EPHA7: variants seen among roughly 807,000 people sequenced by gnomAD.
The protein encoded by EPHA7 is EPH receptor A7, also known as ephrin type-A receptor 7.
A neutral mutation model predicts 112.6 loss-of-function variants in EPHA7; 25 were observed. That is an observed-to-expected ratio of 0.22 (90% confidence interval 0.16 to 0.31). The LOEUF is 0.31. EPHA7 is among the 10% of genes least tolerant of loss of function. The pLI is 1.00. For synonymous variants in EPHA7, 437 were observed against 406.5 expected (o/e 1.07, Z -0.90); for missense variants, 962 against 1,212.6 (o/e 0.79, Z 3.07).
rs193216084 is a variant in EPHA7, at chr6:93,404,809, T to A, written c.832+5692A>T. ...ACATGCAAGTACTTAAAATAGGATT[T>A]GGTATCTATTAACAACTAAAAACGA... is the stretch of plus-strand genomic sequence containing the variant. On this transcript the variant is annotated intron_variant, in intron 3 of 16. Coordinates refer to ENST00000369303, the MANE Select transcript of EPHA7 (RefSeq NM_004440.4). 3.3e-5 allele frequency among the ~76,000 whole-genome samples: 5 copies of A among 151,852 alleles called. No individual in the cohort carries two copies. In the East Asian group the frequency reaches 9.7e-4, roughly 29 times the overall value.
chr6:93,347,777 G>A (rs187663673), intron 5 of EPHA7, among the ~76,000 whole-genome samples: 1 of 151,870 alleles, frequency 6.6e-6, no homozygotes, highest in East Asian at 1.9e-4. Context: ...CAGTGTGTGT[G>A]GAGGAAAGTA....
At chr6:93,281,299 C>T (rs778733062) in intron 5 of EPHA7, among the ~76,000 whole-genome samples, 11 of 152,054 alleles carry the variant, frequency 7.2e-5, no homozygotes, top group Non-Finnish European at 1.5e-4. Flanking sequence ...GAGAAATACA[C>T]GGATGAAGTA....
chr6:93,399,357 C>T (rs1778329434), intron 3 of EPHA7, among the ~76,000 whole-genome samples: 1 of 152,002 alleles, frequency 6.6e-6, no homozygotes, highest in African/African-American at 2.4e-5. Context: ...TAAAGAAAAC[C>T]TAAATATCTA....
intron 3 of EPHA7, among the ~76,000 whole-genome samples, chr6:93,359,882 T>G (rs9445094): frequency 0.14 from 10,310 of 74,746 alleles, 375 homozygotes; most frequent in Non-Finnish European, 0.16. Context: ...GAGAGATAGA[T>G]AGATAGATAG....
At chr6:93,321,512 T>C (rs1369348913) in intron 5 of EPHA7, among the ~76,000 whole-genome samples, 1 of 151,942 alleles carries the variant, frequency 6.6e-6, no homozygotes, top group Non-Finnish European at 1.5e-5. Flanking sequence ...CTTCTCTCTA[T>C]ATTTGTTTTG....
At position 93,358,365 on chromosome 6, in the gene EPHA7, G is replaced by A. The variant is rs199716628; in HGVS notation, c.879C>T (p.Cys293=). ...FYKSSSQDLQ[C]SRCPTHSFSD... ...AAAAACTGTGAGTTGGACAACGAGA[G>A]CACTGAAGATCTTGAGAGGAAGACT... Residue 293 remains cysteine (C), a synonymous_variant, in exon 4 of 17, where the codon TGC becomes TGT. Coordinates refer to ENST00000369303, the MANE Select transcript of EPHA7 (RefSeq NM_004440.4). The A allele has an allele frequency of 6.2e-7, 1 of 1,612,746 alleles. No individual in the cohort carries two copies. The highest frequency in any genetic ancestry group is 2.2e-5 in the East Asian group (1 of 44,794).
At chr6:93,252,391 A>G (rs938787310) in intron 14 of EPHA7, among the ~76,000 whole-genome samples, 2 of 151,262 alleles carry the variant, frequency 1.3e-5, no homozygotes, top group Non-Finnish European at 3.0e-5. Flanking sequence ...TAATTAAAAG[A>G]CAATGAATAC....
In EPHA7 at chr6:93,242,644, A is replaced by C. The variant is rs950736471; in HGVS notation, c.*782T>G. The C allele has an allele frequency of 1.4e-5, 3 of 220,110 alleles. No homozygotes were observed. The highest frequency in any genetic ancestry group is 2.7e-5 in the Non-Finnish European group (3 of 109,566). The allele number at this position is 220,110 out of a possible 1,614,324, so 13.6% of individuals were successfully genotyped here. A position where few individuals can be genotyped will look rare whatever the true frequency, so the allele number is the denominator to read the frequency against. ...AAATCACTCTATAAACAATCTGTTAAAAGTGCCTTATAGTATGTATGGATC... is the reference window on the plus strand; with the variant it reads ...AAATCACTCTATAAACAATCTGTTACAAGTGCCTTATAGTATGTATGGATC... On this transcript the variant is annotated 3_prime_UTR_variant, in exon 17 of 17. Coordinates refer to ENST00000369303, the MANE Select transcript of EPHA7 (RefSeq NM_004440.4).
intron 5 of EPHA7, among the ~76,000 whole-genome samples, chr6:93,346,970 C>G (rs1441745849): frequency 2.0e-5 from 3 of 151,774 alleles, no homozygotes; most frequent in Non-Finnish European, 4.4e-5. Context: ...AATAAACGAT[C>G]TTCTATTAAG....
intron 5 of EPHA7, among the ~76,000 whole-genome samples, chr6:93,283,396 A>G (rs1771873554): frequency 6.6e-6 from 1 of 152,170 alleles, no homozygotes; most frequent in South Asian, 2.1e-4. Flanking sequence ...CCGAGCCAGC[A>G]GTGGCAATCC....
intron 3 of EPHA7, among the ~76,000 whole-genome samples, chr6:93,385,958 C>G (rs1452929124): frequency 4.6e-5 from 7 of 152,062 alleles, no homozygotes; most frequent in African/African-American, 1.7e-4. Flanking sequence ...CTTATAAAAC[C>G]ACCAAATCTC....
intron 13 of EPHA7, among the ~76,000 whole-genome samples, chr6:93,255,214 G>C (rs1051127088): frequency 3.3e-5 from 5 of 152,008 alleles, no homozygotes; most frequent in African/African-American, 1.2e-4. Context: ...CGTGCGTGGT[G>C]GTGGGCGCCT....
At chr6:93,365,777 T>C (rs980224474) in intron 3 of EPHA7, among the ~76,000 whole-genome samples, 1 of 152,112 alleles carries the variant, frequency 6.6e-6, no homozygotes, top group African/African-American at 2.4e-5. Context: ...GAATATAAAG[T>C]TTTTCATAAC....
At chr6:93,247,451 A>G (rs1198446375) in intron 14 of EPHA7, among the ~76,000 whole-genome samples, 1 of 152,204 alleles carries the variant, frequency 6.6e-6, no homozygotes, top group Non-Finnish European at 1.5e-5. Flanking sequence ...GACAGAAAAT[A>G]TTACCAAGCA....
At chr6:93,356,471 G>A (rs1345503604) in intron 5 of EPHA7, among the ~76,000 whole-genome samples, 1 of 152,002 alleles carries the variant, frequency 6.6e-6, no homozygotes, top group Non-Finnish European at 1.5e-5. Flanking sequence ...CCAAAATGCT[G>A]GGATTACAGG....
In EPHA7 at chr6:93,332,751, C is replaced by T. The variant is rs143632079; in HGVS notation, c.1324+23966G>A. Reference sequence around the variant, plus strand: ...TGAATTTCAAATAAACTGATATGATCAACATCGTGATATGGCAGATTTAAA... The same window carrying T: ...TGAATTTCAAATAAACTGATATGATTAACATCGTGATATGGCAGATTTAAA... On this transcript the variant is annotated intron_variant, in intron 5 of 16. Transcript: ENST00000369303. Among the ~76,000 whole-genome samples the T allele has an allele frequency of 8.0e-3, 1,212 of 151,648 alleles. 16 individuals carry two copies. Among genetic ancestry groups the T allele is most frequent in the African/African-American group, 0.027 (1,106 of 41,434 alleles).
intron 5 of EPHA7, among the ~76,000 whole-genome samples, chr6:93,286,243 A>G (rs1307840493): frequency 6.6e-6 from 1 of 152,140 alleles, no homozygotes; most frequent in Non-Finnish European, 1.5e-5. Flanking sequence ...GGCTATACAG[A>G]TGATTCTCAT....
chr6:93,308,895 G>C (rs377746299), intron 5 of EPHA7, among the ~76,000 whole-genome samples: 1 of 151,640 alleles, frequency 6.6e-6, no homozygotes, highest in Admixed American at 6.6e-5. Context: ...GACTACCTAT[G>C]TGTAGATTTT....
chr6:93,365,667 G>A (rs1776471289), intron 3 of EPHA7, among the ~76,000 whole-genome samples: 2 of 152,126 alleles, frequency 1.3e-5, no homozygotes, highest in African/African-American at 2.4e-5. Flanking sequence ...GAGCAGGGAG[G>A]ATAAAAACAA....
Sources: gnomAD v4.1 joint callset for allele counts (sites outside exome capture counted in the v4.1 genomes callset) on GRCh38, gnomAD v4.1.1 for gene constraint, MANE v1.5 for transcripts, NCBI Gene and HGNC (gene_info 2026-07-23, HGNC 2026-07-21) for gene names.